Variants in DCLK1 observed in about 807,000 individuals in gnomAD.
DCLK1 encodes the protein serine/threonine-protein kinase DCLK1.
DCLK1 carries 16 observed loss-of-function variants against 86.2 expected under a neutral mutation model. That is an observed-to-expected ratio of 0.19 (90% CI 0.13 to 0.28). The LOEUF is 0.28. DCLK1 is among the 10% of genes least tolerant of loss of function. DCLK1 has a pLI of 1.00. For synonymous variants in DCLK1, 369 were observed against 370.5 expected, an observed-to-expected ratio of 1.00 and a Z score of 0.05; for missense variants, 590 against 940.2, an observed-to-expected ratio of 0.63 and a Z score of 4.87.
intron 3 of DCLK1, among the ~76,000 whole-genome samples, chr13:36,045,690 A>G (rs1359707160): frequency 6.6e-6 from 1 of 151,880 alleles, no homozygotes; most frequent in Non-Finnish European, 1.5e-5. Flanking sequence ...CATATCCACT[A>G]AAAACACAAA....
At chr13:36,020,664 T>G (rs960352368) in intron 3 of DCLK1, among the ~76,000 whole-genome samples, 7 of 152,044 alleles carry the variant, frequency 4.6e-5, no homozygotes, top group African/African-American at 1.7e-4. Flanking sequence ...TAAAAAAGAT[T>G]AAAATCTGAC....
At chr13:35,817,361 T>G (rs886691587) in intron 11 of DCLK1, among the ~76,000 whole-genome samples, 3 of 152,108 alleles carry the variant, frequency 2.0e-5, no homozygotes, top group Admixed American at 2.0e-4. Context: ...TCCATGCAAA[T>G]TCAGAGAGTA....
At chr13:35,817,497 T>A (rs1269964188) in intron 11 of DCLK1, among the ~76,000 whole-genome samples, 1 of 152,176 alleles carries the variant, frequency 6.6e-6, no homozygotes, top group East Asian at 1.9e-4. Context: ...ATTAAAAAGT[T>A]TTTCTAAAGT....
At chr13:36,117,389 T>C (rs778056350) in intron 2 of DCLK1, among the ~76,000 whole-genome samples, 9 of 152,186 alleles carry the variant, frequency 5.9e-5, no homozygotes, top group Non-Finnish European at 1.3e-4. Flanking sequence ...GATGTACTCT[T>C]GTACCTATTA....
At chr13:35,932,576 G>T (rs766083429) in intron 4 of DCLK1, among the ~76,000 whole-genome samples, 3 of 152,162 alleles carry the variant, frequency 2.0e-5, no homozygotes, top group African/African-American at 7.2e-5. Flanking sequence ...AGCAAGTAAC[G>T]TCTTATATGG....
intron 15 of DCLK1, among the ~76,000 whole-genome samples, chr13:35,799,463 C>G (rs1747658568): frequency 6.6e-6 from 1 of 152,182 alleles, no homozygotes; most frequent in African/African-American, 2.4e-5. Flanking sequence ...GTTGGCCAGG[C>G]TGGTCTTGAA....
intron 16 of DCLK1, among the ~76,000 whole-genome samples, chr13:35,779,132 C>T (rs1382428768): frequency 6.6e-6 from 1 of 152,126 alleles, no homozygotes; most frequent in Admixed American, 6.5e-5. Context: ...CCCACCACCA[C>T]ACCTGGCTAA....
intron 8 of DCLK1, among the ~76,000 whole-genome samples, chr13:35,831,612 C>T (rs1201242172): frequency 1.3e-5 from 2 of 152,022 alleles, no homozygotes; most frequent in African/African-American, 4.8e-5. Flanking sequence ...TGAGTGTACT[C>T]AGAAGAATAC....
intron 4 of DCLK1, among the ~76,000 whole-genome samples, chr13:35,872,659 C>T (rs372993612): frequency 1.2e-4 from 19 of 152,024 alleles, no homozygotes; most frequent in Non-Finnish European, 2.8e-4. Context: ...ATTTACCGAC[C>T]CTTTTCTTTT....
At chr13:35,859,623 C>T (rs779318876) in intron 5 of DCLK1, among the ~76,000 whole-genome samples, 1 of 152,212 alleles carries the variant, frequency 6.6e-6, no homozygotes, top group African/African-American at 2.4e-5. Flanking sequence ...AGGAAGTGTG[C>T]AGATCCACCT....
chr13:35,905,719 G>A (rs1274219981), intron 4 of DCLK1, among the ~76,000 whole-genome samples: 1 of 152,086 alleles, frequency 6.6e-6, no homozygotes, highest in Non-Finnish European at 1.5e-5. Flanking sequence ...GCCAAGGCGG[G>A]TGGATCACTT....
chr13:36,050,812 A>G (rs1883096475), intron 3 of DCLK1, among the ~76,000 whole-genome samples: 1 of 152,134 alleles, frequency 6.6e-6, no homozygotes, highest in Non-Finnish European at 1.5e-5. Flanking sequence ...CGTCTTCTCC[A>G]TATCAGGAGC....
chr13:35,982,663 T>C (rs1387036081), intron 3 of DCLK1, among the ~76,000 whole-genome samples: 1 of 152,166 alleles, frequency 6.6e-6, no homozygotes, highest in African/African-American at 2.4e-5. Context: ...TGGAATACAA[T>C]TTTTCGAAAA....
At chr13:35,910,525 G>C (rs1874954731) in intron 4 of DCLK1, among the ~76,000 whole-genome samples, 1 of 152,120 alleles carries the variant, frequency 6.6e-6, no homozygotes, top group Non-Finnish European at 1.5e-5. Context: ...TCCTATGCTG[G>C]AAATAAAAAG....
chr13:36,063,416 T>A (rs1003915232), intron 3 of DCLK1, among the ~76,000 whole-genome samples: 6 of 152,144 alleles, frequency 3.9e-5, no homozygotes, highest in Non-Finnish European at 8.8e-5. Flanking sequence ...CACTAGATCA[T>A]GGCTTCAGTT....
At position 36,126,157 on chromosome 13, in the gene DCLK1, C is replaced by T. The variant is rs765882595; in HGVS notation, c.-19-1G>A. 6.5e-7 allele frequency: 1 copy of T among 1,546,638 alleles called. No individual in the cohort carries two copies. Among genetic ancestry groups the T allele is most frequent in the Non-Finnish European group, 8.7e-7 (1 of 1,151,750 alleles). ...GGACATGATGGACTTCAAGTAGGAC[C>T]TACGAGCCCCAGAAACAAAAGCAGA... On this transcript the variant is annotated splice_acceptor_variant, in intron 1 of 16. Coordinates refer to ENST00000360631, the MANE Select transcript of DCLK1 (RefSeq NM_001330071.2). LOFTEE classifies it low-confidence loss of function (5UTR_SPLICE).
Position 35,871,240 on chromosome 13 carries a change from A to G in DCLK1, c.924T>C (p.Pro308=). Residue 308 remains proline, a synonymous_variant, in exon 5 of 17, where the codon CCT becomes CCC. Coordinates refer to ENST00000360631, the MANE Select transcript of DCLK1 (RefSeq NM_001330071.2). ...CTGCTTTACCTGAGCTGGTGGAGGCAGGGGACTTGCTACGCCTGGACGGTC... is the reference window on the plus strand; with the variant it reads ...CTGCTTTACCTGAGCTGGTGGAGGCGGGGGACTTGCTACGCCTGGACGGTC... ...SPGPSRRSKS[P]ASTSSVNGTP... is the part of the protein sequence containing the mutation. The G allele has an allele frequency of 6.2e-7, 1 of 1,613,530 alleles. No individual in the cohort carries two copies. The highest frequency in any genetic ancestry group is 8.5e-7 in the Non-Finnish European group (1 of 1,179,792).
intron 3 of DCLK1, among the ~76,000 whole-genome samples, chr13:35,980,171 C>T (rs1256488707): frequency 3.3e-5 from 5 of 152,114 alleles, no homozygotes; most frequent in Admixed American, 6.5e-5. Flanking sequence ...AAATGAACTC[C>T]CTGGCTGAGT....
intron 5 of DCLK1, among the ~76,000 whole-genome samples, chr13:35,861,670 C>T (rs1230877794): frequency 7.0e-6 from 1 of 143,004 alleles, no homozygotes; most frequent in Non-Finnish European, 1.6e-5. Flanking sequence ...AACTTTCTGC[C>T]CCTTTGACTT....
Sources: gnomAD v4.1 joint callset for allele counts (sites outside exome capture counted in the v4.1 genomes callset) on GRCh38, gnomAD v4.1.1 for gene constraint, MANE v1.5 for transcripts, NCBI Gene and HGNC (gene_info 2026-07-23, HGNC 2026-07-21) for gene names.